Variants in ENAH observed in about 807,000 individuals in gnomAD.
ENAH encodes the protein protein enabled homolog.
In ENAH, 23 loss-of-function variants were observed where a neutral mutation model predicts 78.7. The observed-to-expected ratio is 0.29, with a 90% confidence interval of 0.21 to 0.41. The LOEUF (loss-of-function observed/expected upper bound fraction) is 0.41, where lower values mean the gene tolerates loss of function less well. Ranked by LOEUF, ENAH falls within the 10% of genes least tolerant of loss-of-function variation. The pLI is 1.00. For synonymous variants in ENAH, 226 were observed against 241.0 expected (o/e 0.94, Z 0.58); for missense variants, 544 against 691.0 (o/e 0.79, Z 2.39).
In ENAH at chr1:225,518,126, C is replaced by A. The variant is rs569418598; in HGVS notation, c.803-820G>T. The A allele has an allele frequency of 7.3e-6, 5 of 683,352 alleles. No individual in the cohort carries two copies. The South Asian group carries it at 9.5e-5, about 13-fold the overall frequency. 42.3% of individuals were successfully genotyped at this position (683,352 alleles called of 1,614,324 possible). Reference sequence around the variant, plus strand: ...CTACAGTTAGTATCAGAGAATTAGGCACAAACGCAAATAACTATTTTCACC... The same window carrying A: ...CTACAGTTAGTATCAGAGAATTAGGAACAAACGCAAATAACTATTTTCACC... On this transcript the variant is annotated intron_variant, in intron 5 of 13. Coordinates refer to ENST00000366843, the MANE Select transcript of ENAH (RefSeq NM_018212.6).
At chr1:225,583,687 A>G (rs753556271) in intron 1 of ENAH, among the ~76,000 whole-genome samples, 3 of 151,742 alleles carry the variant, frequency 2.0e-5, no homozygotes, top group Non-Finnish European at 2.9e-5. Flanking sequence ...GCATGCCTGT[A>G]ATCTGAGCTA....
At chr1:225,569,231 G>C (rs2096748679) in intron 1 of ENAH, among the ~76,000 whole-genome samples, 1 of 152,140 alleles carries the variant, frequency 6.6e-6, no homozygotes, top group Non-Finnish European at 1.5e-5. Flanking sequence ...AACAAATCTA[G>C]AATAATACAG....
At chr1:225,510,962 G>A (rs551834336) in intron 10 of ENAH, among the ~76,000 whole-genome samples, 5 of 152,024 alleles carry the variant, frequency 3.3e-5, no homozygotes, top group South Asian at 4.2e-4. Flanking sequence ...TGGGGGTTGC[G>A]GTGAGCCAAG....
chr1:225,589,458 G>A (rs77421803), intron 1 of ENAH, among the ~76,000 whole-genome samples: 6,549 of 152,124 alleles, frequency 0.043, 231 homozygotes, highest in South Asian at 0.11. Context: ...TATCCTCGGA[G>A]GAACTGGCTG....
In ENAH at chr1:225,501,151, C is replaced by T. The variant is rs1404556234; in HGVS notation, c.1539-81G>A. 22 of 1,008,240 alleles carry T rather than the reference C, an allele frequency of 2.2e-5. 1 individual carries two copies. The highest frequency in any genetic ancestry group is 1.2e-4 in the South Asian group (7 of 58,580). 62.5% of individuals were successfully genotyped at this position (1,008,240 alleles called of 1,614,324 possible). Reference sequence around the variant, plus strand: ...TCATAAATAATTGCAAATTTACCAACCCAACACCAGATTTAAATACATTTC... The same window carrying T: ...TCATAAATAATTGCAAATTTACCAATCCAACACCAGATTTAAATACATTTC... On this transcript the variant is annotated intron_variant, in intron 11 of 13. Transcript: ENST00000366843.
intron 11 of ENAH, among the ~76,000 whole-genome samples, chr1:225,506,787 G>C (rs1254640291): frequency 6.6e-6 from 1 of 152,024 alleles, no homozygotes; most frequent in East Asian, 1.9e-4. Context: ...TTTCCTACTA[G>C]CAGAAAGAAC....
intron 1 of ENAH, among the ~76,000 whole-genome samples, chr1:225,620,974 C>T (rs1035936959): frequency 1.3e-5 from 2 of 151,974 alleles, no homozygotes; most frequent in Admixed American, 6.6e-5. Flanking sequence ...CACTGCACTC[C>T]AGCCTGGGTA....
At chr1:225,571,783 G>A (rs2096763802) in intron 1 of ENAH, among the ~76,000 whole-genome samples, 1 of 152,142 alleles carries the variant, frequency 6.6e-6, no homozygotes, top group Admixed American at 6.6e-5. Context: ...CTGAATGACA[G>A]GGTCAGAGGG....
intron 1 of ENAH, among the ~76,000 whole-genome samples, chr1:225,636,292 C>G (rs952856596): frequency 1.3e-5 from 2 of 152,166 alleles, no homozygotes; most frequent in Admixed American, 6.5e-5. Flanking sequence ...AAAAAACTAA[C>G]AGTCAATATG....
intron 1 of ENAH, among the ~76,000 whole-genome samples, chr1:225,576,230 C>A (rs1186945540): frequency 6.9e-6 from 1 of 145,376 alleles, no homozygotes; most frequent in Non-Finnish European, 1.5e-5. Context: ...GAGTCATGAT[C>A]ATGTCACTGC....
At chr1:225,556,381 T>C (rs552135560) in intron 2 of ENAH, among the ~76,000 whole-genome samples, 106 of 152,344 alleles carry the variant, frequency 7.0e-4, no homozygotes, top group African/African-American at 2.3e-3. Context: ...CAACTGGTAC[T>C]GTCAGTCTTT....
intron 1 of ENAH, among the ~76,000 whole-genome samples, chr1:225,606,579 G>A (rs775552275): frequency 2.0e-5 from 3 of 151,904 alleles, no homozygotes; most frequent in South Asian, 2.1e-4. Flanking sequence ...CAGATGCAGC[G>A]GTTCACGCCT....
intron 1 of ENAH, 131 bp downstream of exon 1, chr1:225,652,555 G>C (rs1039230747): frequency 9.4e-7 from 1 of 1,065,784 alleles, no homozygotes; most frequent in Non-Finnish European, 1.2e-6. Flanking sequence ...AAGGCGGAGG[G>C]GGGAGGAACA....
At chr1:225,516,675 A>C (rs1290573047) in intron 6 of ENAH, among the ~76,000 whole-genome samples, 8 of 152,108 alleles carry the variant, frequency 5.3e-5, no homozygotes, top group Admixed American at 5.2e-4. Context: ...GGAGTTCAAG[A>C]CCAGCCTGGC....
chr1:225,611,875 A>G (rs1427906895), intron 1 of ENAH, among the ~76,000 whole-genome samples: 1 of 152,222 alleles, frequency 6.6e-6, no homozygotes, highest in Non-Finnish European at 1.5e-5. Context: ...GAAATCAAAA[A>G]TCACACTCAC....
At chr1:225,526,529 G>A (rs746006571) in intron 4 of ENAH, among the ~76,000 whole-genome samples, 14 of 151,660 alleles carry the variant, frequency 9.2e-5, no homozygotes, top group African/African-American at 1.7e-4. Context: ...AGTAGAGACC[G>A]GGTTTCACCA....
At chr1:225,500,221 T>TA (rs1402636774) in intron 12 of ENAH, among the ~76,000 whole-genome samples, 31 of 152,332 alleles carry the variant, frequency 2.0e-4, no homozygotes, top group Non-Finnish European at 2.9e-5. Flanking sequence ...TCAGTTTATC[T>TA]AAAAAATGTA....
intron 4 of ENAH, among the ~76,000 whole-genome samples, chr1:225,523,090 C>T (rs1337366940): frequency 6.6e-6 from 1 of 152,048 alleles, no homozygotes; most frequent in African/African-American, 2.4e-5. Flanking sequence ...TCCCTCACTA[C>T]ACTCATGCTT....
intron 1 of ENAH, among the ~76,000 whole-genome samples, chr1:225,589,983 A>G (rs2096867282): frequency 6.6e-6 from 1 of 152,074 alleles, no homozygotes; most frequent in Admixed American, 6.6e-5. Context: ...TCAAGTAAGT[A>G]TTCTAAGAAT....
Sources: allele counts gnomAD v4.1 joint callset (sites outside exome capture counted in the v4.1 genomes callset), GRCh38; gene constraint gnomAD v4.1.1; transcripts MANE v1.5; gene names NCBI Gene and HGNC (gene_info 2026-07-23, HGNC 2026-07-21).